Variants in DCAF8L2 observed in about 807,000 individuals in gnomAD.
DCAF8L2 encodes DDB1- and CUL4-associated factor 8-like protein 2.
For synonymous variants in DCAF8L2, 200 were observed against 190.9 expected, an observed-to-expected ratio of 1.05 and a Z score of -0.39; for missense variants, 430 against 490.7, an observed-to-expected ratio of 0.88 and a Z score of 1.17.
the DCAF8L2 span, among the ~76,000 whole-genome samples, chrX:27,503,889 A>G: frequency 5.3e-3 from 593 of 112,273 alleles, 2 homozygotes; most frequent in Non-Finnish European, 8.0e-3. Flanking sequence ...CACTAGACAT[A>G]TAAAAAAGAG....
the DCAF8L2 span, among the ~76,000 whole-genome samples, chrX:27,520,396 G>A: frequency 9.0e-6 from 1 of 111,516 alleles, no homozygotes; most frequent in Admixed American, 9.6e-5. Flanking sequence ...CATTTTGAAA[G>A]TTTCATAACC....
the DCAF8L2 span, among the ~76,000 whole-genome samples, chrX:27,491,050 T>C: frequency 8.9e-6 from 1 of 112,499 alleles, no homozygotes; most frequent in Non-Finnish European, 1.9e-5. Context: ...TTTTTTCCCC[T>C]GAATTTCTTT....
At chrX:27,670,770 T>G (rs1162663194) in intron 2 of DCAF8L2, among the ~76,000 whole-genome samples, 1 of 110,347 alleles carries the variant, frequency 9.1e-6, no homozygotes, top group African/African-American at 3.3e-5. Context: ...TCTCACTCAA[T>G]TCCCACAGGA....
Position 27,615,890 on chromosome X carries a change from C to T in DCAF8L2, c.-341-15989C>T, listed in dbSNP as rs767315031. ...AATGGCACTAGAAACCTTTCTTTTT[C>T]CTTCATATTTCACATGTATGGCAGT... On this transcript the variant is annotated intron_variant, in intron 1 of 4. Transcript: ENST00000451261. 3.3e-3 allele frequency among the ~76,000 whole-genome samples: 362 copies of T among 110,350 alleles called. 1 individual carries two copies. Among genetic ancestry groups the T allele is most frequent in the Non-Finnish European group, 5.4e-3 (283 of 52,620 alleles).
At chrX:27,590,991 T>TTATATATATATATATA (rs10571931) in intron 1 of DCAF8L2, among the ~76,000 whole-genome samples, 4,383 of 67,657 alleles carry the variant, frequency 0.065, 237 homozygotes, top group Non-Finnish European at 0.099. Flanking sequence ...CCTTTACATT[T>TTATATATATATATATA]TATATATATA....
chrX:27,524,414 C>T, the DCAF8L2 span, among the ~76,000 whole-genome samples: 3 of 111,230 alleles, frequency 2.7e-5, no homozygotes, highest in Non-Finnish European at 5.7e-5. Context: ...TTTGATTTTT[C>T]TCTCTTTTCT....
At chrX:27,532,402 C>A in the DCAF8L2 span, among the ~76,000 whole-genome samples, 2 of 111,258 alleles carry the variant, frequency 1.8e-5, no homozygotes, top group African/African-American at 6.5e-5. Flanking sequence ...TTTGAGAAGC[C>A]AAATAAATGG....
At chrX:27,628,850 G>A (rs1928165162) in intron 1 of DCAF8L2, among the ~76,000 whole-genome samples, 1 of 110,751 alleles carries the variant, frequency 9.0e-6, no homozygotes, top group African/African-American at 3.3e-5. Flanking sequence ...TGATCTACCC[G>A]CCTCAGCCTC....
the DCAF8L2 span, among the ~76,000 whole-genome samples, chrX:27,553,203 T>A: frequency 9.0e-6 from 1 of 111,720 alleles, no homozygotes; most frequent in African/African-American, 3.2e-5. Flanking sequence ...GACCATGTGC[T>A]ATTGAGATGA....
the DCAF8L2 span, among the ~76,000 whole-genome samples, chrX:27,523,382 GCTAT>G: frequency 1.0e-5 from 1 of 97,348 alleles, no homozygotes; most frequent in Non-Finnish European, 2.0e-5. Context: ...CAATCATCTA[GCTAT>G]CTAGCTAGCT....
the DCAF8L2 span, among the ~76,000 whole-genome samples, chrX:27,509,752 A>G: frequency 9.0e-6 from 1 of 111,578 alleles, no homozygotes; most frequent in Non-Finnish European, 1.9e-5. Context: ...AAAGGGGAAA[A>G]CATGAAGACT....
chrX:27,554,534 C>T, the DCAF8L2 span, among the ~76,000 whole-genome samples: 10,529 of 111,336 alleles, frequency 0.095, 391 homozygotes, highest in Non-Finnish European at 0.12. Context: ...CTATACAATT[C>T]AACAAACCCT....
At chrX:27,622,772 A>G (rs1160100449) in intron 1 of DCAF8L2, among the ~76,000 whole-genome samples, 1 of 105,607 alleles carries the variant, frequency 9.5e-6, no homozygotes, top group Non-Finnish European at 1.9e-5. Context: ...AATTCTGGTT[A>G]TCTTTGGCAG....
At chrX:27,614,503 T>C (rs1927360940) in intron 1 of DCAF8L2, among the ~76,000 whole-genome samples, 3 of 111,643 alleles carry the variant, frequency 2.7e-5, no homozygotes, top group South Asian at 3.8e-4. Context: ...AGCTTTTGAA[T>C]GTGTTTGCTC....
the DCAF8L2 span, among the ~76,000 whole-genome samples, chrX:27,499,837 G>T: frequency 0.025 from 490 of 19,921 alleles, no homozygotes; most frequent in African/African-American, 0.037. Context: ...ATTTGGTGGT[G>T]GGGGGGGGTA....
the DCAF8L2 span, among the ~76,000 whole-genome samples, chrX:27,581,660 T>C: frequency 9.2e-6 from 1 of 108,414 alleles, no homozygotes; most frequent in Non-Finnish European, 1.9e-5. Flanking sequence ...CTTGGCTCAC[T>C]GCAGCCCCCA....
intron 4 of DCAF8L2, among the ~76,000 whole-genome samples, chrX:27,746,226 T>G (rs1228718761): frequency 1.8e-5 from 2 of 111,460 alleles, no homozygotes; most frequent in Non-Finnish European, 3.8e-5. Flanking sequence ...ATATCTAATG[T>G]AACATTTGAG....
chrX:27,494,375 T>C, the DCAF8L2 span, among the ~76,000 whole-genome samples: 1 of 111,057 alleles, frequency 9.0e-6, no homozygotes, highest in East Asian at 2.8e-4. Flanking sequence ...CACTGCACTC[T>C]AGCCTGGGCG....
At chrX:27,559,056 G>A in the DCAF8L2 span, among the ~76,000 whole-genome samples, 3 of 110,665 alleles carry the variant, frequency 2.7e-5, no homozygotes, top group Non-Finnish European at 5.7e-5. Context: ...CATGTAGGAC[G>A]TGCCAGATTC....
Sources: gnomAD v4.1 joint callset for allele counts (sites outside exome capture counted in the v4.1 genomes callset) on GRCh38, gnomAD v4.1.1 for gene constraint, MANE v1.5 for transcripts, NCBI Gene and HGNC (gene_info 2026-07-23, HGNC 2026-07-21) for gene names.